Variants in ACACB observed in about 807,000 individuals in gnomAD.
ACACB encodes acetyl-CoA carboxylase beta.
In ACACB, 209 loss-of-function variants were observed where a neutral mutation model predicts 278.8. The observed-to-expected ratio is 0.75, with a 90% confidence interval of 0.67 to 0.84. ACACB has a LOEUF of 0.84. ACACB is among the 40% of genes least tolerant of loss of function. ACACB has a pLI of 0.00. For missense variants in ACACB, 2,850 were observed against 3,269.0 expected (o/e 0.87, Z 3.13); for synonymous variants, 1,174 against 1,285.6 (o/e 0.91, Z 1.86).
intron 33 of ACACB, chr12:109,235,909 G>T: frequency 4.8e-6 from 2 of 416,226 alleles, no homozygotes; most frequent in Non-Finnish European, 8.6e-6. Flanking sequence ...TGAGGTGGGA[G>T]GATTGCTTGA....
intron 22 of ACACB, among the ~76,000 whole-genome samples, chr12:109,213,381 T>G (rs563716348): frequency 6.6e-6 from 1 of 152,142 alleles, no homozygotes; most frequent in Non-Finnish European, 1.5e-5. Context: ...GTATTAAGTT[T>G]TGTGAAGTGC....
At chr12:109,146,950 C>T (rs1451855958) in intron 2 of ACACB, among the ~76,000 whole-genome samples, 6 of 152,104 alleles carry the variant, frequency 3.9e-5, no homozygotes, top group African/African-American at 1.4e-4. Context: ...ACTGGGATTA[C>T]AGGAATAAGC....
intron 51 of ACACB, 42 bp downstream of exon 51, chr12:109,265,322 G>C (rs2047487442): frequency 1.2e-6 from 2 of 1,610,772 alleles, no homozygotes; most frequent in Non-Finnish European, 1.7e-6. Context: ...CACAGGGGGT[G>C]CTGGGGGCTG....
Position 109,247,713 on chromosome 12 carries a change from T to C in ACACB, c.5669+10T>C, listed in dbSNP as rs1009228415. 2.5e-5 allele frequency: 40 copies of C among 1,600,526 alleles called. No individual in the cohort carries two copies. The highest frequency in any genetic ancestry group is 3.1e-5 in the Non-Finnish European group (36 of 1,168,768). ...AAGGAGGAGAGTCCAGGTAAATAAC[T>C]TATCAGGTAGCTCCTTAATTTTGCT... On this transcript the variant is annotated intron_variant, in intron 40 of 52. Coordinates refer to ENST00000338432, the MANE Select transcript of ACACB (RefSeq NM_001093.4).
intron 2 of ACACB, among the ~76,000 whole-genome samples, chr12:109,165,787 A>G (rs1354296017): frequency 6.6e-6 from 1 of 152,166 alleles, no homozygotes; most frequent in African/African-American, 2.4e-5. Context: ...TTGTGAGATA[A>G]CTAAATTCAC....
chr12:109,214,204 G>C (rs1192161774), intron 22 of ACACB, among the ~76,000 whole-genome samples: 1 of 152,168 alleles, frequency 6.6e-6, no homozygotes, highest in Non-Finnish European at 1.5e-5. Context: ...CGAGGTTATA[G>C]TGAGCTGTGA....
At chr12:109,204,385 G>A (rs901257794) in intron 19 of ACACB, among the ~76,000 whole-genome samples, 11 of 145,878 alleles carry the variant, frequency 7.5e-5, no homozygotes, top group East Asian at 4.1e-4. Flanking sequence ...AGCAATTCTC[G>A]TGCCTCAGCC....
Position 109,140,058 on chromosome 12 carries a change from G to T in ACACB, c.653G>T (p.Arg218Met). Residue 218 changes from arginine (R) to methionine (M), a missense_variant and splice_region_variant, in exon 2 of 53, where the codon AGG (arginine) becomes ATG (methionine). Transcript: ENST00000338432. The stretch of plus-strand genomic sequence containing the variant: ...GCTGAGACCCGCGTCCCCACTATGA[G>T]GTAATGTGCATTTTCTCCTTGTAAC... ...GEAETRVPTM[R>M]PSMSGLHLVK... 1 of 1,580,146 alleles carries T rather than the reference G, an allele frequency of 6.3e-7. No homozygotes were observed. Among genetic ancestry groups the T allele is most frequent in the Non-Finnish European group, 8.6e-7 (1 of 1,168,758 alleles).
At chr12:109,147,558 G>C (rs982148162) in intron 2 of ACACB, among the ~76,000 whole-genome samples, 1 of 151,820 alleles carries the variant, frequency 6.6e-6, no homozygotes, top group Non-Finnish European at 1.5e-5. Flanking sequence ...AAAAGATTAC[G>C]TCTTTTATTT....
At position 109,168,003 on chromosome 12, in the gene ACACB, G is replaced by C; in HGVS notation, c.894G>C (p.Met298Ile). ...RNERAIRFVV[M>I]VTPEDLKANA... ...AGCGGGCCATCCGGTTTGTTGTGATGGTGACCCCCGAGGACCTTAAGGCCA... is the reference window on the plus strand; with the variant it reads ...AGCGGGCCATCCGGTTTGTTGTGATCGTGACCCCCGAGGACCTTAAGGCCA... Residue 298 changes from methionine (M) to isoleucine (I), a missense_variant, in exon 4 of 53, where the codon ATG becomes ATC. Around this residue, in one of 3 missense-constraint regions of ACACB, gnomAD observed 2,265 missense variants for 2,561.3 expected, o/e 0.88. Transcript: ENST00000338432. The C allele has an allele frequency of 6.2e-7, 1 of 1,613,444 alleles. No homozygotes were observed. The highest frequency in any genetic ancestry group is 8.5e-7 in the Non-Finnish European group (1 of 1,179,708).
Position 109,201,713 on chromosome 12 carries a change from C to T in ACACB, c.2913+12C>T, listed in dbSNP as rs2045337852. 1.9e-6 allele frequency: 3 copies of T among 1,613,170 alleles called. No homozygotes were observed. In the Admixed American group the frequency reaches 5.0e-5, roughly 27 times the overall value. ...CTAAAGTCCACCCGGTATGTGGCTC[C>T]ACGGCCCAAGTGCTCTGGCTGGTGC... On this transcript the variant is annotated intron_variant, in intron 19 of 52. Coordinates refer to ENST00000338432, the MANE Select transcript of ACACB (RefSeq NM_001093.4).
intron 2 of ACACB, among the ~76,000 whole-genome samples, chr12:109,161,578 A>G (rs2043722969): frequency 6.6e-6 from 1 of 152,114 alleles, no homozygotes; most frequent in Admixed American, 6.6e-5. Context: ...AGAAATAATT[A>G]TATCAAAAGA....
chr12:109,181,840 C>CTTTTTTTTTTT (rs34174568), intron 11 of ACACB, among the ~76,000 whole-genome samples: 53 of 81,568 alleles, frequency 6.5e-4, no homozygotes, highest in Middle Eastern at 0.014. Context: ...TTTTCCTTTC[C>CTTTTTTTTTTT]TTTTTTTTTT....
upstream of ACACB, among the ~76,000 whole-genome samples, chr12:109,115,805 T>A (rs541626153): frequency 1.3e-5 from 2 of 152,348 alleles, no homozygotes; most frequent in East Asian, 3.9e-4. Context: ...TTTGCACAGA[T>A]CCCGTGCTCA....
At chr12:109,251,120 A>G (rs895629183) in intron 41 of ACACB, among the ~76,000 whole-genome samples, 2 of 152,158 alleles carry the variant, frequency 1.3e-5, no homozygotes, top group East Asian at 1.9e-4. Flanking sequence ...AAACTCTGCC[A>G]TCTTACCTCT....
chr12:109,172,559 G>C (rs1334701165), intron 6 of ACACB, among the ~76,000 whole-genome samples: 4 of 152,144 alleles, frequency 2.6e-5, no homozygotes, highest in Admixed American at 6.5e-5. Flanking sequence ...GGAGCTGCCC[G>C]CTTTTCAAAG....
intron 27 of ACACB, among the ~76,000 whole-genome samples, chr12:109,224,755 C>T (rs1310807490): frequency 6.6e-6 from 1 of 152,124 alleles, no homozygotes; most frequent in Non-Finnish European, 1.5e-5. Flanking sequence ...TGGTCTGGAA[C>T]TCCTGACCTC....
intron 52 of ACACB, among the ~76,000 whole-genome samples, chr12:109,265,872 T>G (rs2047505310): frequency 6.6e-6 from 1 of 152,282 alleles, no homozygotes. Flanking sequence ...GGCTGCTGTC[T>G]TCCACGCCAG....
intron 28 of ACACB, among the ~76,000 whole-genome samples, chr12:109,231,505 C>T (rs545141665): frequency 5.9e-5 from 9 of 152,150 alleles, no homozygotes; most frequent in African/African-American, 2.2e-4. Context: ...ATTGAGCTGT[C>T]GGGGAGCAGA....
Sources: gnomAD v4.1 joint callset for allele counts (sites outside exome capture counted in the v4.1 genomes callset) on GRCh38, gnomAD v4.1.1 for gene constraint, gnomAD v4.1.1 regional missense constraint, MANE v1.5 for transcripts, NCBI Gene and HGNC (gene_info 2026-07-23, HGNC 2026-07-21) for gene names.